The following PIN1 variants were observed in gnomAD, a reference collection of about 807,000 sequenced individuals.
The protein encoded by PIN1 is peptidylprolyl cis/trans isomerase, NIMA-interacting 1.
In PIN1, 8 loss-of-function variants were observed where a neutral mutation model predicts 19.9. The observed-to-expected ratio is 0.40, with a 90% CI of 0.24 to 0.72. The LOEUF (loss-of-function observed/expected upper bound fraction) is 0.72, where lower values mean the gene tolerates loss of function less well. Ranked by LOEUF, PIN1 falls within the 30% of genes least tolerant of loss-of-function variation. PIN1 has a pLI of 0.37. For synonymous variants in PIN1, 86 were observed against 90.8 expected (o/e 0.95, Z 0.30); for missense variants, 185 against 226.5 (o/e 0.82, Z 1.18).
intron 3 of PIN1, 70 bp from the exon 4 acceptor site, chr19:9,849,020 A>T: frequency 1.0e-6 from 1 of 957,210 alleles, no homozygotes; most frequent in Non-Finnish European, 1.7e-6. Context: ...CGCGGCTGCC[A>T]CCCGCCCTGC....
At chr19:9,848,349 C>G in intron 3 of PIN1, 1 of 584,188 alleles carries the variant, frequency 1.7e-6, no homozygotes, top group Non-Finnish European at 3.1e-6. Context: ...CACTTTCTTC[C>G]TGGCATCATC....
chr19:9,849,275 A>T lies in PIN1; in HGVS notation c.*76A>T. ...GCCAGCTCCCCCTTGCCCGCCAGCC[A>T]GTGGCCGAACCCCCCACTCCCTGCC... On this transcript the variant is annotated 3_prime_UTR_variant, in exon 4 of 4. Coordinates refer to ENST00000247970, the MANE Select transcript of PIN1 (RefSeq NM_006221.4). 1.0e-6 allele frequency: 1 copy of T among 961,236 alleles called. No homozygotes were observed. The highest frequency in any genetic ancestry group is 2.6e-5 in the East Asian group (1 of 38,524). 59.5% of individuals were successfully genotyped at this position (961,236 alleles called of 1,614,324 possible).
chr19:9,849,369 G>T lies in PIN1; in HGVS notation c.*170G>T, dbSNP rs1012992485. On this transcript the variant is annotated 3_prime_UTR_variant, in exon 4 of 4. Transcript: ENST00000247970. ...GCCCTTCCAGATTGGGGGCCCTGGG[G>T]TCCCCACTCCCTGTCCATCCCCAGT... 2.8e-6 allele frequency: 2 copies of T among 711,990 alleles called. No homozygotes were observed. Among genetic ancestry groups the T allele is most frequent in the Non-Finnish European group, 5.1e-6 (2 of 391,484 alleles). 44.1% of individuals were successfully genotyped at this position (711,990 alleles called of 1,614,324 possible).
Position 9,838,733 on chromosome 19 carries a change from G to A in PIN1, c.271+85G>A. 8.9e-7 allele frequency: 1 copy of A among 1,124,506 alleles called. No individual in the cohort carries two copies. Among genetic ancestry groups the A allele is most frequent in the Non-Finnish European group, 1.3e-6 (1 of 788,998 alleles). 69.7% of individuals were successfully genotyped at this position (1,124,506 alleles called of 1,614,324 possible). A position where few individuals can be genotyped will look rare whatever the true frequency, so the allele number is the denominator to read the frequency against. On this transcript the variant is annotated intron_variant, in intron 2 of 3. Transcript: ENST00000247970. This position sits in a 1 kb window ranked among gnomAD's most constrained non-coding sequence, Gnocchi z 5.8. ...AAGTCACATCAGACCCTTCACCCCA[G>A]CTTGCTCAGCTGCCAGGCGTGGTGT... is the stretch of plus-strand genomic sequence containing the variant.
chr19:9,847,228 C>T (rs2046228009), intron 2 of PIN1, among the ~76,000 whole-genome samples: 1 of 152,186 alleles, frequency 6.6e-6, no homozygotes, highest in African/African-American at 2.4e-5. Context: ...GTGAGTCACT[C>T]AGATGCTACT....
At chr19:9,839,368 A>G (rs1407110107) in intron 2 of PIN1, among the ~76,000 whole-genome samples, 1 of 150,866 alleles carries the variant, frequency 6.6e-6, no homozygotes, top group African/African-American at 2.4e-5. Flanking sequence ...GTGAGCCGAG[A>G]TCGCACCACT....
chr19:9,842,706 G>A (rs1232652269), intron 2 of PIN1, among the ~76,000 whole-genome samples: 3 of 152,240 alleles, frequency 2.0e-5, no homozygotes, highest in African/African-American at 4.8e-5. Flanking sequence ...ATGCAGTGAG[G>A]TGGCCCCGGC....
chr19:9,848,095 T>C lies in PIN1; in HGVS notation c.337T>C (p.Cys113Arg). 6.2e-7 allele frequency: 1 copy of C among 1,613,694 alleles called. No individual in the cohort carries two copies. The highest frequency in any genetic ancestry group is 8.5e-7 in the Non-Finnish European group (1 of 1,179,658). Residue 113 changes from cysteine to arginine, a missense_variant, in exon 3 of 4, where the codon TGC (cysteine) becomes CGC (arginine). By Grantham distance (180) the Cys-to-Arg change is radical (BLOSUM62 -3). Transcript: ENST00000247970. The part of the protein sequence containing the change: ...FESLASQFSD[C>R]SSAKARGDLG... ...GTCTCTGGCCTCACAGTTCAGCGAC[T>C]GCAGCTCAGCCAAGGCCAGGGGAGA...
chr19:9,849,503 G>A lies in PIN1; in HGVS notation c.*304G>A, dbSNP rs769162158. On this transcript the variant is annotated 3_prime_UTR_variant, in exon 4 of 4. Coordinates refer to ENST00000247970, the MANE Select transcript of PIN1 (RefSeq NM_006221.4). ...GAGGGGTGTTCCAAAGAGAAGGCCT[G>A]GTCAGCAGAGCCGCCCCGTGTCCCC... The A allele has an allele frequency of 1.2e-5, 8 of 671,024 alleles. No homozygotes were observed. In the African/African-American group the frequency reaches 1.4e-4, roughly 12 times the overall value. 41.6% of individuals were successfully genotyped at this position (671,024 alleles called of 1,614,324 possible).
At chr19:9,839,162 G>A (rs1032590520) in intron 2 of PIN1, among the ~76,000 whole-genome samples, 1 of 152,098 alleles carries the variant, frequency 6.6e-6, no homozygotes, top group South Asian at 2.1e-4. Flanking sequence ...TGCAGGGTGC[G>A]GTGGCTCACG....
intron 2 of PIN1, among the ~76,000 whole-genome samples, chr19:9,847,699 T>A (rs566096606): frequency 8.5e-6 from 1 of 117,436 alleles, no homozygotes; most frequent in Admixed American, 9.7e-5. Context: ...TGTGTGTGTG[T>A]GTGTGCATGT....
chr19:9,844,968 T>G (rs911160234), intron 2 of PIN1, among the ~76,000 whole-genome samples: 2 of 152,194 alleles, frequency 1.3e-5, no homozygotes, highest in African/African-American at 2.4e-5. Flanking sequence ...ATTCCTGCAC[T>G]GTGAGGCGGG....
chr19:9,835,916 G>C (rs577131256), intron 1 of PIN1: 12 of 155,154 alleles, frequency 7.7e-5, no homozygotes, highest in African/African-American at 2.9e-4. Context: ...CGATTTAAGG[G>C]TTAGCCACAA....
At chr19:9,842,787 C>T (rs898883672) in intron 2 of PIN1, among the ~76,000 whole-genome samples, 1 of 152,224 alleles carries the variant, frequency 6.6e-6, no homozygotes, top group East Asian at 1.9e-4. Flanking sequence ...GCCTCATTTT[C>T]TCTTCCATGA....
At chr19:9,843,374 G>GAGA (rs1257454177) in intron 2 of PIN1, among the ~76,000 whole-genome samples, 1 of 152,240 alleles carries the variant, frequency 6.6e-6, no homozygotes, top group Non-Finnish European at 1.5e-5. Flanking sequence ...CTTCCCCTCT[G>GAGA]GTGCCTGGGC....
In PIN1 at chr19:9,847,073, G is replaced by A. The variant is rs866797743; in HGVS notation, c.272-957G>A. ...CTTTGGCCCATGGGCACCTTCCTGGGGGTGGCCTGGAGTCAGGAAGGCGGT... is the reference window on the plus strand; with the variant it reads ...CTTTGGCCCATGGGCACCTTCCTGGAGGTGGCCTGGAGTCAGGAAGGCGGT... On this transcript the variant is annotated intron_variant, in intron 2 of 3. Coordinates refer to ENST00000247970, the MANE Select transcript of PIN1 (RefSeq NM_006221.4). Among the ~76,000 whole-genome samples the A allele has an allele frequency of 5.9e-5, 9 of 152,254 alleles. 1 individual carries two copies. In the Middle Eastern group the frequency reaches 0.02, roughly 345 times the overall value.
intron 2 of PIN1, among the ~76,000 whole-genome samples, chr19:9,847,820 CTCT>C (rs1320554472): frequency 6.6e-6 from 1 of 152,052 alleles, no homozygotes; most frequent in African/African-American, 2.4e-5. Context: ...TGAAAGGCAC[CTCT>C]TCTTGGGTGT....
rs1017432052 is a variant in PIN1, at chr19:9,848,295, C to T, written c.382+155C>T. 2.4e-5 allele frequency: 15 copies of T among 631,032 alleles called. No homozygotes were observed. In the East Asian group the frequency reaches 2.5e-4, roughly 10 times the overall value. 39.1% of individuals were successfully genotyped at this position (631,032 alleles called of 1,614,324 possible). A position where few individuals can be genotyped will look rare whatever the true frequency, so the allele number is the denominator to read the frequency against. On this transcript the variant is annotated intron_variant, in intron 3 of 3. Transcript: ENST00000247970. ...CCCCTTCCTCAGGCTTCAGAGGCTG[C>T]TCTGCTGGGCAGGGCCAGGGCCACA... is the stretch of plus-strand genomic sequence containing the variant.
At chr19:9,847,138 A>G (rs1426042277) in intron 2 of PIN1, among the ~76,000 whole-genome samples, 1 of 152,096 alleles carries the variant, frequency 6.6e-6, no homozygotes, top group Non-Finnish European at 1.5e-5. Flanking sequence ...AAGACTGCAT[A>G]CACACACTTG....
Sources: gnomAD v4.1 joint callset for allele counts (sites outside exome capture counted in the v4.1 genomes callset) on GRCh38, gnomAD v4.1.1 for gene constraint, Gnocchi (gnomAD v3.1) non-coding constraint, MANE v1.5 for transcripts, NCBI Gene and HGNC (gene_info 2026-07-23, HGNC 2026-07-21) for gene names.